EIF2AK2: variants seen among roughly 807,000 people sequenced by gnomAD.
The protein encoded by EIF2AK2 is interferon-induced, double-stranded RNA-activated protein kinase.
EIF2AK2 carries 40 observed loss-of-function variants against 70.5 expected under a neutral mutation model. The observed-to-expected ratio is 0.57, with a 90% CI of 0.44 to 0.74. The LOEUF (loss-of-function observed/expected upper bound fraction) is 0.74. Among genes scored for constraint, EIF2AK2 ranks in the 30% least tolerant of loss-of-function variants. The pLI, the probability that EIF2AK2 is intolerant of heterozygous loss-of-function variation, is 0.00. For synonymous variants in EIF2AK2, 198 were observed against 220.9 expected, an observed-to-expected ratio of 0.90 and a Z score of 0.92; for missense variants, 555 against 644.3, an observed-to-expected ratio of 0.86 and a Z score of 1.50.
intron 14 of EIF2AK2, among the ~76,000 whole-genome samples, chr2:37,111,891 A>G (rs1674168875): frequency 8.7e-6 from 1 of 114,912 alleles, no homozygotes; most frequent in Non-Finnish European, 1.8e-5. Flanking sequence ...ATATATATAT[A>G]TATATATATA....
At chr2:37,126,196 G>A (rs1181406067) in intron 11 of EIF2AK2, 93 bp downstream of exon 11, 1 of 1,427,700 alleles carries the variant, frequency 7.0e-7, no homozygotes, top group African/African-American at 1.4e-5. Context: ...AGAAATAAAT[G>A]ATACCCTAAT....
At chr2:37,127,325 T>A (rs972218971) in intron 10 of EIF2AK2, among the ~76,000 whole-genome samples, 34 of 152,068 alleles carry the variant, frequency 2.2e-4, no homozygotes, top group Non-Finnish European at 4.1e-4. Flanking sequence ...CAATCTATGA[T>A]CCATGCAGCA....
chr2:37,143,054 C>G (rs1003977557), intron 4 of EIF2AK2, among the ~76,000 whole-genome samples: 9 of 151,978 alleles, frequency 5.9e-5, no homozygotes, highest in African/African-American at 2.2e-4. Context: ...TAGTGAAACC[C>G]TGTCTCTACT....
intron 11 of EIF2AK2, among the ~76,000 whole-genome samples, chr2:37,123,391 T>C (rs1674622618): frequency 6.6e-6 from 1 of 151,912 alleles, no homozygotes; most frequent in South Asian, 2.1e-4. Context: ...CTCAGTCTCC[T>C]GAGTAGCTGG....
At chr2:37,141,895 A>G (rs1333421816) in intron 4 of EIF2AK2, among the ~76,000 whole-genome samples, 194 bp from the exon 5 acceptor site, 1 of 152,234 alleles carries the variant, frequency 6.6e-6, no homozygotes. Context: ...CGACGAAGAT[A>G]GATTTTAACA....
chr2:37,131,540 C>A (rs1464308417), intron 10 of EIF2AK2, among the ~76,000 whole-genome samples: 1 of 152,122 alleles, frequency 6.6e-6, no homozygotes, highest in Admixed American at 6.6e-5. Context: ...TACATTCAAC[C>A]CTCCATCTCT....
rs915868891 is a variant in EIF2AK2 at position 37,102,201 on chromosome 2, C to A, written c.*5072G>T. 2.0e-5 allele frequency: 3 copies of A among 152,064 alleles called. No individual in the cohort carries two copies. The highest frequency in any genetic ancestry group is 7.2e-5 in the African/African-American group (3 of 41,396). 9.4% of individuals were successfully genotyped at this position (152,064 alleles called of 1,614,324 possible). ...GTTACAAGGAGCTGTGATCGTACCA[C>A]TGTACTCTGGCCTGGGTGACAGAGT... On this transcript the variant is annotated 3_prime_UTR_variant, in exon 17 of 17. Transcript: ENST00000233057.
intron 1 of EIF2AK2, among the ~76,000 whole-genome samples, chr2:37,155,494 A>G (rs544976531): frequency 6.6e-6 from 1 of 152,244 alleles, no homozygotes; most frequent in Admixed American, 6.5e-5. Context: ...TATCAGGATC[A>G]ACACAGCCTT....
intron 14 of EIF2AK2, among the ~76,000 whole-genome samples, chr2:37,111,019 G>A (rs989718792): frequency 2.0e-5 from 3 of 152,282 alleles, no homozygotes; most frequent in South Asian, 2.1e-4. Context: ...TATATCTTGA[G>A]GATATTATGC....
intron 4 of EIF2AK2, among the ~76,000 whole-genome samples, chr2:37,143,983 A>G (rs1675434316): frequency 6.6e-6 from 1 of 152,244 alleles, no homozygotes; most frequent in Admixed American, 6.5e-5. Context: ...AAGGATAATC[A>G]TGTACTACAT....
chr2:37,121,064 C>G (rs571373572), intron 12 of EIF2AK2, among the ~76,000 whole-genome samples: 1 of 148,284 alleles, frequency 6.7e-6, no homozygotes, highest in African/African-American at 2.4e-5. Context: ...GAGATCAAGA[C>G]CATCCTGGCT....
chr2:37,122,464 C>A, intron 12 of EIF2AK2, 42 bp downstream of exon 12: 1 of 1,597,030 alleles, frequency 6.3e-7, no homozygotes, highest in Admixed American at 1.8e-5. Context: ...ATAACAATTT[C>A]CTTCCATCCT....
At chr2:37,124,623 C>T (rs1674670532) in intron 11 of EIF2AK2, among the ~76,000 whole-genome samples, 1 of 152,160 alleles carries the variant, frequency 6.6e-6, no homozygotes, top group Non-Finnish European at 1.5e-5. Context: ...AATATATATA[C>T]TCATTTCTTT....
chr2:37,129,387 C>T (rs905922021), intron 10 of EIF2AK2, among the ~76,000 whole-genome samples: 6 of 152,034 alleles, frequency 3.9e-5, no homozygotes, highest in African/African-American at 1.2e-4. Context: ...GGACACTGGA[C>T]GATGGAATGC....
At chr2:37,147,058 TG>T in intron 3 of EIF2AK2, 85 bp from the exon 4 acceptor site, 1 of 1,308,198 alleles carries the variant, frequency 7.6e-7, no homozygotes, top group Middle Eastern at 2.5e-4. Flanking sequence ...CTACCTCCTA[TG>T]ACTACCTTTG....
intron 1 of EIF2AK2, among the ~76,000 whole-genome samples, chr2:37,150,425 A>T (rs191642413): frequency 3.9e-5 from 6 of 152,086 alleles, no homozygotes; most frequent in East Asian, 1.9e-4. Context: ...ATATTTTTAA[A>T]TTTTTTTTGC....
intron 14 of EIF2AK2, among the ~76,000 whole-genome samples, chr2:37,113,498 CAAAAA>C (rs61174879): frequency 3.0e-5 from 1 of 33,054 alleles, no homozygotes; most frequent in African/African-American, 1.3e-4. Context: ...AACTCCATCT[CAAAAA>C]AAAAAAAAAA....
intron 10 of EIF2AK2, among the ~76,000 whole-genome samples, chr2:37,126,687 T>C (rs1031013365): frequency 1.3e-4 from 20 of 152,208 alleles, no homozygotes; most frequent in Admixed American, 1.1e-3. Flanking sequence ...CCAGGTGCCA[T>C]GGCTCATGCC....
chr2:37,111,892 T>A (rs867623522), intron 14 of EIF2AK2, among the ~76,000 whole-genome samples: 3,810 of 118,134 alleles, frequency 0.032, 76 homozygotes, highest in Non-Finnish European at 0.038. Flanking sequence ...TATATATATA[T>A]ATATATATAT....
Sources: allele counts gnomAD v4.1 joint callset (sites outside exome capture counted in the v4.1 genomes callset), GRCh38; gene constraint gnomAD v4.1.1; transcripts MANE v1.5; gene names NCBI Gene and HGNC (gene_info 2026-07-23, HGNC 2026-07-21).